Variants in MFSD1 observed in about 807,000 individuals in gnomAD.
MFSD1 encodes the protein lysosomal dipeptide transporter MFSD1.
Under a neutral mutation model 67.1 loss-of-function variants are expected in MFSD1, and 59 were observed. That is an observed-to-expected ratio of 0.88 (90% CI 0.71 to 1.09). MFSD1 has a LOEUF of 1.09. Ranked by LOEUF, MFSD1 falls within the 50% of genes least tolerant of loss-of-function variation. The pLI, the probability that MFSD1 is intolerant of heterozygous loss-of-function variation, is 0.00. For missense variants in MFSD1, 552 were observed against 566.1 expected (o/e 0.97, Z 0.25); for synonymous variants, 213 against 200.3 (o/e 1.06, Z -0.54).
chr3:158,821,050 T>C (rs1730643651), intron 9 of MFSD1, among the ~76,000 whole-genome samples: 1 of 152,242 alleles, frequency 6.6e-6, no homozygotes, highest in South Asian at 2.1e-4. Context: ...GCACTGTGCC[T>C]GGGAACATCT....
intron 11 of MFSD1, chr3:158,822,393 A>T (rs1210140369): frequency 4.2e-6 from 1 of 240,168 alleles, no homozygotes; most frequent in Non-Finnish European, 7.9e-6. Context: ...ATTTGAAATA[A>T]AGTAGCCTTA....
At chr3:158,810,070 G>T (rs528564285) in intron 6 of MFSD1, among the ~76,000 whole-genome samples, 1 of 152,286 alleles carries the variant, frequency 6.6e-6, no homozygotes, top group South Asian at 2.1e-4. Context: ...TGTTGCCCAA[G>T]CTGGAGTCCA....
At chr3:158,825,923 T>G in intron 13 of MFSD1, 92 bp from the exon 14 acceptor site, 1 of 934,960 alleles carries the variant, frequency 1.1e-6, no homozygotes, top group South Asian at 1.4e-5. Flanking sequence ...AAAGGTTTGA[T>G]TGTGTCTAAG....
At chr3:158,828,899 C>A in intron 15 of MFSD1, 80 bp from the exon 16 acceptor site, 2 of 1,453,614 alleles carry the variant, frequency 1.4e-6, no homozygotes, top group Non-Finnish European at 1.9e-6. Flanking sequence ...TCTTGTAATG[C>A]TTGGTTTTCA....
intron 5 of MFSD1, among the ~76,000 whole-genome samples, chr3:158,808,149 T>A (rs984615560): frequency 2.6e-5 from 4 of 152,166 alleles, no homozygotes; most frequent in Non-Finnish European, 4.4e-5. Context: ...ATGACAGGGA[T>A]TCAGAAACAG....
At chr3:158,808,681 A>G (rs1001680180) in intron 5 of MFSD1, among the ~76,000 whole-genome samples, 3 of 151,974 alleles carry the variant, frequency 2.0e-5, no homozygotes, top group Non-Finnish European at 2.9e-5. Context: ...CATTATGCTC[A>G]TGGACTTTAT....
Position 158,822,130 on chromosome 3 carries a change from G to GGATT in MFSD1, c.1069_1072dup (p.Ala358AspfsTer27), listed in dbSNP as rs766782846. ...CTGGCCTTTACGATGTGGAACCCTT[G>GGATT]GATTGCTATGGTAACGTCTGTGTTA... is the stretch of plus-strand genomic sequence containing the variant. On this transcript the variant is annotated frameshift_variant, in exon 11 of 16. Coordinates refer to ENST00000415822, the MANE Select transcript of MFSD1 (RefSeq NM_022736.4). LOFTEE classifies it high-confidence loss of function. 16 of 1,611,770 alleles carry GGATT rather than the reference G, an allele frequency of 9.9e-6. No individual in the cohort carries two copies. Among genetic ancestry groups the GGATT allele is most frequent in the Non-Finnish European group, 1.4e-5 (16 of 1,178,382 alleles).
intron 15 of MFSD1, among the ~76,000 whole-genome samples, chr3:158,827,913 G>A (rs867807714): frequency 9.6e-5 from 8 of 83,350 alleles, no homozygotes; most frequent in Non-Finnish European, 1.3e-4. Context: ...AGAGAGAGAG[G>A]GGGAGAGAGA....
chr3:158,826,758 C>T (rs1730987815), intron 14 of MFSD1, among the ~76,000 whole-genome samples: 1 of 151,778 alleles, frequency 6.6e-6, no homozygotes, highest in Non-Finnish European at 1.5e-5. Flanking sequence ...GCCTCAACCT[C>T]CCAGGATCAA....
Position 158,829,246 on chromosome 3 carries a change from G to A in MFSD1, c.*264G>A. 3.4e-6 allele frequency: 1 copy of A among 297,694 alleles called. No homozygotes were observed. The highest frequency in any genetic ancestry group is 6.1e-6 in the Non-Finnish European group (1 of 163,272). The allele number at this position is 297,694 out of a possible 1,614,324, so 18.4% of individuals were successfully genotyped here. ...GAAAATTGCTGTGGAACATCCAGGT[G>A]AACTTCAGGAAAGACAGTGAAAAAT... On this transcript the variant is annotated 3_prime_UTR_variant, in exon 16 of 16. Coordinates refer to ENST00000415822, the MANE Select transcript of MFSD1 (RefSeq NM_022736.4).
intron 5 of MFSD1, among the ~76,000 whole-genome samples, chr3:158,807,849 C>T (rs1224075008): frequency 3.3e-5 from 5 of 152,182 alleles, no homozygotes; most frequent in Admixed American, 1.3e-4. Flanking sequence ...TCCTTTCAAC[C>T]CTGTCCAAGA....
chr3:158,819,211 C>T (rs61796778), intron 7 of MFSD1, among the ~76,000 whole-genome samples: 2,919 of 152,232 alleles, frequency 0.019, 53 homozygotes, highest in Non-Finnish European at 0.024. Flanking sequence ...GAGCGAAGGC[C>T]GTGGACTCTG....
chr3:158,813,242 G>C (rs572450062), intron 6 of MFSD1, among the ~76,000 whole-genome samples: 3 of 151,710 alleles, frequency 2.0e-5, no homozygotes, highest in Non-Finnish European at 4.4e-5. Flanking sequence ...CTACCGCCTG[G>C]GTTCAAGCTA....
At position 158,822,116 on chromosome 3, in the gene MFSD1, G is replaced by T. The variant is rs757031891; in HGVS notation, c.1053G>T (p.Thr351=). 8.7e-6 allele frequency: 14 copies of T among 1,613,176 alleles called. No individual in the cohort carries two copies. Among genetic ancestry groups the T allele is most frequent in the Admixed American group, 1.7e-5 (1 of 59,974 alleles). Residue 351 remains threonine, a synonymous_variant, in exon 11 of 16, where the codon ACG becomes ACT. Transcript: ENST00000415822. The part of the protein sequence containing the change: ...TLVSHMMLAF[T]MWNPWIAMCL... ...TGTCCCACATGATGCTGGCCTTTAC[G>T]ATGTGGAACCCTTGGATTGCTATGG...
intron 1 of MFSD1, among the ~76,000 whole-genome samples, chr3:158,803,898 G>T (rs1291155703): frequency 6.6e-6 from 1 of 152,014 alleles, no homozygotes; most frequent in African/African-American, 2.4e-5. Context: ...TGTCAGAATG[G>T]TTACACTCCA....
Position 158,822,160 on chromosome 3 carries a change from A to G in MFSD1, c.1077+20A>G. The stretch of plus-strand genomic sequence containing the variant: ...GCTATGGTAACGTCTGTGTTAGCCC[A>G]TGGTGGGGTCAGGGCTTCAGCAAGG... On this transcript the variant is annotated intron_variant, in intron 11 of 15. Transcript: ENST00000415822. 1 of 1,592,658 alleles carries G rather than the reference A, an allele frequency of 6.3e-7. No individual in the cohort carries two copies. The highest frequency in any genetic ancestry group is 8.6e-7 in the Non-Finnish European group (1 of 1,164,056).
At chr3:158,822,246 A>G in intron 11 of MFSD1, 106 bp downstream of exon 11, 1 of 982,664 alleles carries the variant, frequency 1.0e-6, no homozygotes, top group Non-Finnish European at 1.5e-6. Flanking sequence ...GGCCTATGAT[A>G]GTGGGGAGAT....
At chr3:158,807,191 A>G in intron 4 of MFSD1, 109 bp downstream of exon 4, 2 of 1,098,834 alleles carry the variant, frequency 1.8e-6, no homozygotes, top group East Asian at 2.4e-5. Context: ...TTAATTAAGC[A>G]GAACCCATAA....
rs538950218 is a variant in MFSD1, at chr3:158,827,543, T to G, written c.1394+206T>G. ...AATCCTCCCATCTCAGCCTCCCAAGTAGCTGGGACTACAGTTGTGTGTCAA... is the reference window on the plus strand; with the variant it reads ...AATCCTCCCATCTCAGCCTCCCAAGGAGCTGGGACTACAGTTGTGTGTCAA... On this transcript the variant is annotated intron_variant, in intron 15 of 15. Transcript: ENST00000415822. Among the ~76,000 whole-genome samples, 4 of 151,864 alleles carry G rather than the reference T, an allele frequency of 2.6e-5. No homozygotes were observed. The South Asian group carries it at 8.4e-4, about 32-fold the overall frequency.
Sources: allele counts gnomAD v4.1 joint callset (sites outside exome capture counted in the v4.1 genomes callset), GRCh38; gene constraint gnomAD v4.1.1; transcripts MANE v1.5; gene names NCBI Gene and HGNC (gene_info 2026-07-23, HGNC 2026-07-21).